COPS9: variants seen among roughly 807,000 people sequenced by gnomAD.
COPS9 encodes COP9 signalosome subunit 9, also known as COP9 signalosome complex subunit 9.
Under a neutral mutation model 7.2 loss-of-function variants are expected in COPS9, and 8 were observed. That is an observed-to-expected ratio of 1.11 (90% CI 0.65 to 2.00). The LOEUF is 2.00. Among genes scored for constraint, COPS9 ranks in the 30% most tolerant of loss-of-function variants. COPS9 has a pLI of 0.00. For synonymous variants in COPS9, 39 were observed against 28.7 expected (o/e 1.36, Z -1.14); for missense variants, 74 against 77.7 (o/e 0.95, Z 0.18).
At chr2:240,135,354 T>C (rs1407797922) in intron 1 of COPS9, among the ~76,000 whole-genome samples, 1 of 152,154 alleles carries the variant, frequency 6.6e-6, no homozygotes, top group Admixed American at 6.5e-5. Flanking sequence ...TGAGGGTCCA[T>C]CCGTCGGTGC....
At position 240,131,079 on chromosome 2, in the gene COPS9, T is replaced by G; in HGVS notation, c.146A>C (p.Asp49Ala). 6.2e-7 allele frequency: 1 copy of G among 1,612,776 alleles called. No individual in the cohort carries two copies. The highest frequency in any genetic ancestry group is 8.5e-7 in the Non-Finnish European group (1 of 1,179,588). The change falls in exon 3 of 3, where the codon GAT becomes GCT. Residue 49 changes from aspartate to alanine, a missense_variant. Coordinates refer to ENST00000607357, the MANE Select transcript of COPS9 (RefSeq NM_001163424.2). ...CTGGATGTCATCATCATCAAAAAGA[T>G]CTTCAAAATCTAGGGAAATAAGCAA... is the stretch of plus-strand genomic sequence containing the variant. ...VHADFFNDFE[D>A]LFDDDDIQ
downstream of COPS9, among the ~76,000 whole-genome samples, chr2:240,128,409 T>G (rs575797054): frequency 6.6e-6 from 1 of 152,272 alleles, no homozygotes; most frequent in East Asian, 1.9e-4. Flanking sequence ...TAATGGACAG[T>G]GCTTCCTTCT....
chr2:240,134,963 C>A (rs2071960478), intron 1 of COPS9, among the ~76,000 whole-genome samples: 1 of 144,958 alleles, frequency 6.9e-6, no homozygotes, highest in South Asian at 2.2e-4. Context: ...CACTGTAAAG[C>A]CCTCCGGTGG....
chr2:240,136,345 C>G (rs1574950135), upstream of COPS9: 1 of 1,506,168 alleles, frequency 6.6e-7, no homozygotes, highest in East Asian at 2.9e-5. Context: ...GCGCGCGCCA[C>G]ATGGCAGATC....
At chr2:240,133,674 A>C (rs1405351499) in intron 2 of COPS9, among the ~76,000 whole-genome samples, 1 of 152,212 alleles carries the variant, frequency 6.6e-6, no homozygotes, top group Non-Finnish European at 1.5e-5. Context: ...TGTAACACGC[A>C]TGCCAGAGCT....
In COPS9 at chr2:240,130,918, T is replaced by C. The variant is rs2071915386; in HGVS notation, c.*133A>G. 2.0e-6 allele frequency: 3 copies of C among 1,477,376 alleles called. No homozygotes were observed. Among genetic ancestry groups the C allele is most frequent in the Non-Finnish European group, 1.8e-6 (2 of 1,114,340 alleles). The allele number at this position is 1,477,376 out of a possible 1,614,324, so 91.5% of individuals were successfully genotyped here. A position where few individuals can be genotyped will look rare whatever the true frequency, so the allele number is the denominator to read the frequency against. On this transcript the variant is annotated 3_prime_UTR_variant, in exon 3 of 3. Coordinates refer to ENST00000607357, the MANE Select transcript of COPS9 (RefSeq NM_001163424.2). The stretch of plus-strand genomic sequence containing the variant: ...ATCTAGGTCGTTAAGAACAGTCTTA[T>C]CTTTCTGGTTAACCAGGTCCTAAAT...
chr2:240,127,323 A>C (rs1383625924), downstream of COPS9, among the ~76,000 whole-genome samples: 1 of 149,844 alleles, frequency 6.7e-6, no homozygotes, highest in Admixed American at 6.7e-5. Context: ...ACCCAGAGGC[A>C]GTTAGGCTTA....
chr2:240,131,937 G>A (rs1271617569), intron 2 of COPS9, among the ~76,000 whole-genome samples: 4 of 152,198 alleles, frequency 2.6e-5, no homozygotes, highest in African/African-American at 9.6e-5. Context: ...GGAGGGTGGC[G>A]TCCCTGAGGC....
chr2:240,131,229 A>G (rs1363207220), intron 2 of COPS9, 141 bp from the exon 3 acceptor site: 5 of 1,043,300 alleles, frequency 4.8e-6, no homozygotes, highest in Non-Finnish European at 5.6e-6. Flanking sequence ...TTCCCGTAAC[A>G]GACTTTCAGT....
At chr2:240,127,961 A>C (rs1229341505), downstream of COPS9, among the ~76,000 whole-genome samples, 1 of 152,068 alleles carries the variant, frequency 6.6e-6, no homozygotes, top group Non-Finnish European at 1.5e-5. Flanking sequence ...ATCACCCAGG[A>C]ACCATTAAAA....
At chr2:240,135,876 G>GCCC (rs2071972415) in intron 1 of COPS9, 1 of 228,412 alleles carries the variant, frequency 4.4e-6, no homozygotes. Context: ...CGCACCGCGG[G>GCCC]CCCCCATGGG....
downstream of COPS9, chr2:240,130,166 T>G (rs1574946427): frequency 1.5e-6 from 1 of 659,624 alleles, no homozygotes; most frequent in East Asian, 2.9e-5. Flanking sequence ...ATGTCTCTTC[T>G]GTAAACATGA....
chr2:240,126,866 C>T (rs376556562), downstream of COPS9: 57 of 1,614,044 alleles, frequency 3.5e-5, no homozygotes, highest in East Asian at 2.7e-4. Context: ...TTAGCGCCTC[C>T]GCCCCCTGCC....
At chr2:240,128,723 C>T (rs1340934927), downstream of COPS9, among the ~76,000 whole-genome samples, 1 of 152,164 alleles carries the variant, frequency 6.6e-6, no homozygotes, top group Non-Finnish European at 1.5e-5. Context: ...CGTGGCTGGG[C>T]CCGTCAGCTG....
chr2:240,128,692 G>C (rs976227212), downstream of COPS9, among the ~76,000 whole-genome samples: 1 of 152,176 alleles, frequency 6.6e-6, no homozygotes, highest in African/African-American at 2.4e-5. Flanking sequence ...ACAATGGCTG[G>C]AGTTTTGCCA....
At position 240,130,844 on chromosome 2, in the gene COPS9, T is replaced by A; in HGVS notation, c.*207A>T. On this transcript the variant is annotated 3_prime_UTR_variant, in exon 3 of 3. Transcript: ENST00000607357. Reference sequence around the variant, plus strand: ...CTCCACATGTGACATTGCTTTCTTTTAATTGGAGTGAGGACAAAACCTGAT... The same window carrying A: ...CTCCACATGTGACATTGCTTTCTTTAAATTGGAGTGAGGACAAAACCTGAT... 1.9e-5 allele frequency: 27 copies of A among 1,406,772 alleles called. 1 individual carries two copies. In the South Asian group the frequency reaches 4.6e-4, roughly 24 times the overall value. 87.1% of individuals were successfully genotyped at this position (1,406,772 alleles called of 1,614,324 possible).
chr2:240,136,210 G>T lies in COPS9; in HGVS notation c.63+12C>A. ...TCCCCACGCTCGGAGACTCCCGCCG[G>T]GCCCGTGCCACCTCGTCCAGGTCCA... On this transcript the variant is annotated intron_variant, in intron 1 of 2. Transcript: ENST00000607357. 1 of 1,535,532 alleles carries T rather than the reference G, an allele frequency of 6.5e-7. No homozygotes were observed.
Position 240,136,267 on chromosome 2 carries a change from G to A in COPS9, c.18C>T (p.Asp6=), listed in dbSNP as rs1574950052. 1.3e-6 allele frequency: 2 copies of A among 1,569,822 alleles called. No homozygotes were observed. The highest frequency in any genetic ancestry group is 1.2e-5 in the South Asian group (1 of 86,098). MKPAV[D]EMFPEGAGPY... The stretch of plus-strand genomic sequence containing the variant: ...GCCCGGCGCCCTCGGGGAACATCTC[G>A]TCCACCGCCGGCTTCATCTCGGGGC... Residue 6 remains aspartate (D), a synonymous_variant, in exon 1 of 3, where the codon GAC becomes GAT. Coordinates refer to ENST00000607357, the MANE Select transcript of COPS9 (RefSeq NM_001163424.2).
rs2071935837 is a variant in COPS9 at position 240,132,796 on chromosome 2, C to A, written c.136+1137G>T. ...CTGGTGAGCTGGTGTTTTTGCAAAG[C>A]AGCTTTGGAGAGCGCTCTGCAGCTT... On this transcript the variant is annotated intron_variant, in intron 2 of 2. Coordinates refer to ENST00000607357, the MANE Select transcript of COPS9 (RefSeq NM_001163424.2). This position sits in a 1 kb window ranked among gnomAD's most constrained non-coding sequence, Gnocchi z 4.1. Among the ~76,000 whole-genome samples, 1 of 152,210 alleles carries A rather than the reference C, an allele frequency of 6.6e-6. No individual in the cohort carries two copies. Among genetic ancestry groups the A allele is most frequent in the South Asian group, 2.1e-4 (1 of 4,826 alleles).
Sources: allele counts gnomAD v4.1 joint callset (sites outside exome capture counted in the v4.1 genomes callset), GRCh38; gene constraint gnomAD v4.1.1; non-coding constraint Gnocchi (gnomAD v3.1); transcripts MANE v1.5; gene names NCBI Gene and HGNC (gene_info 2026-07-23, HGNC 2026-07-21).